Variants in CFAP46 observed in about 807,000 individuals in gnomAD.
The protein encoded by CFAP46 is cilia and flagella associated protein 46, also known as cilia- and flagella-associated protein 46.
A neutral mutation model predicts 325.7 loss-of-function variants in CFAP46; 245 were observed. The observed-to-expected ratio is 0.75, with a 90% CI of 0.68 to 0.84. The LOEUF (loss-of-function observed/expected upper bound fraction) is 0.84, where lower values mean the gene tolerates loss of function less well. Ranked by LOEUF, CFAP46 falls within the 40% of genes least tolerant of loss-of-function variation. The pLI is 0.00. For synonymous variants in CFAP46, 1,523 were observed against 1,495.9 expected (o/e 1.02, Z -0.42); for missense variants, 3,346 against 3,543.0 (o/e 0.94, Z 1.41).
intron 9 of CFAP46, among the ~76,000 whole-genome samples, chr10:132,928,657 C>T (rs981933438): frequency 2.0e-5 from 3 of 152,192 alleles, no homozygotes; most frequent in African/African-American, 7.2e-5. Flanking sequence ...AGCAAGTGCT[C>T]AATGAAGACA....
intron 50 of CFAP46, among the ~76,000 whole-genome samples, chr10:132,824,776 T>C (rs1355838361): frequency 8.5e-6 from 1 of 118,204 alleles, no homozygotes; most frequent in Admixed American, 8.8e-5. Flanking sequence ...GTGCTGTATG[T>C]TGTGTGAGTG....
At position 132,877,000 on chromosome 10, in the gene CFAP46, G is replaced by A. The variant is rs1010904816; in HGVS notation, c.4213-39C>T. ...AATACAGGATTTACCTGAAACGGTG[G>A]AGGTGAAACAGCAGACACCCCCGGC... On this transcript the variant is annotated intron_variant, in intron 30 of 57. Transcript: ENST00000368586. This position sits in a 1 kb window ranked among gnomAD's most constrained non-coding sequence, Gnocchi z 4.1. 1 of 1,538,878 alleles carries A rather than the reference G, an allele frequency of 6.5e-7. No individual in the cohort carries two copies.
At chr10:132,823,092 CTTTGTATGTGCTGA>C in intron 50 of CFAP46, among the ~76,000 whole-genome samples, 1 of 108,238 alleles carries the variant, frequency 9.2e-6, no homozygotes, top group South Asian at 3.3e-4. Context: ...CTGATGTGTG[CTTTGTATGTGCTGA>C]TGTGTGCTGT....
chr10:132,927,318 C>T (rs966709083), intron 9 of CFAP46, among the ~76,000 whole-genome samples: 1 of 150,142 alleles, frequency 6.7e-6, no homozygotes, highest in Non-Finnish European at 1.5e-5. Context: ...AGCAGGTCCT[C>T]GGCGGCAGAC....
intron 50 of CFAP46, among the ~76,000 whole-genome samples, chr10:132,816,355 G>A (rs1486478366): frequency 7.3e-6 from 1 of 136,488 alleles, no homozygotes; most frequent in Non-Finnish European, 1.5e-5. Context: ...TTTTTGAGAC[G>A]GAGTCTCGCT....
rs993482566 is a variant in CFAP46, at chr10:132,939,734, G to A, written c.372-981C>T. Among the ~76,000 whole-genome samples, 7 of 152,056 alleles carry A rather than the reference G, an allele frequency of 4.6e-5. No individual in the cohort carries two copies. The highest frequency in any genetic ancestry group is 3.9e-4 in the East Asian group (2 of 5,180). ...AGAGGGGTCATCATGGGACTCCAGC[G>A]GCCTGCTGCGTCTCCCTGAGTGCTG... On this transcript the variant is annotated intron_variant, in intron 4 of 57. Coordinates refer to ENST00000368586, the MANE Select transcript of CFAP46 (RefSeq NM_001200049.3). The surrounding 1 kb of genome is among the most constrained non-coding windows in gnomAD (Gnocchi z 4.6).
chr10:132,856,027 G>A (rs986488832), intron 39 of CFAP46, among the ~76,000 whole-genome samples: 7 of 152,238 alleles, frequency 4.6e-5, no homozygotes, highest in Non-Finnish European at 7.3e-5. Flanking sequence ...CACTGAGGAC[G>A]CCTTCCTTCA....
chr10:132,850,120 A>T (rs1848511496), intron 41 of CFAP46, 124 bp downstream of exon 41: 2 of 986,392 alleles, frequency 2.0e-6, no homozygotes, highest in Non-Finnish European at 3.0e-6. Context: ...CCTACTTCCT[A>T]CATTTTTCTC....
chr10:132,886,026 C>A lies in CFAP46; in HGVS notation c.3305-67G>T. The A allele has an allele frequency of 6.6e-7, 1 of 1,525,852 alleles. No individual in the cohort carries two copies. Among genetic ancestry groups the A allele is most frequent in the Non-Finnish European group, 8.8e-7 (1 of 1,130,968 alleles). The allele number at this position is 1,525,852 out of a possible 1,614,324, so 94.5% of individuals were successfully genotyped here. ...CCTCATCAAAGGCGCCCTCGGACCT[C>A]CCAGACTAAGCTGCCCATCACAGTG... On this transcript the variant is annotated intron_variant, in intron 25 of 57. Transcript: ENST00000368586. This position sits in a 1 kb window ranked among gnomAD's most constrained non-coding sequence, Gnocchi z 5.8.
intron 24 of CFAP46, among the ~76,000 whole-genome samples, chr10:132,895,344 C>T (rs1849304572): frequency 6.6e-6 from 1 of 152,216 alleles, no homozygotes; most frequent in Non-Finnish European, 1.5e-5. Context: ...AGACCCACAG[C>T]TCACGTCACA....
intron 22 of CFAP46, among the ~76,000 whole-genome samples, chr10:132,904,665 A>C (rs2135503616): frequency 6.6e-6 from 1 of 152,288 alleles, no homozygotes; most frequent in Non-Finnish European, 1.5e-5. Context: ...TTGGGGAAGT[A>C]ATTGTAACTC....
At chr10:132,838,899 T>C (rs760662991) in intron 44 of CFAP46, among the ~76,000 whole-genome samples, 2 of 152,242 alleles carry the variant, frequency 1.3e-5, no homozygotes, top group Non-Finnish European at 2.9e-5. Context: ...GTGTCCTCCT[T>C]TTCCATGGGA....
At chr10:132,844,410 C>T (rs979761595) in intron 44 of CFAP46, among the ~76,000 whole-genome samples, 2 of 152,188 alleles carry the variant, frequency 1.3e-5, no homozygotes, top group African/African-American at 4.8e-5. Flanking sequence ...AGCTAGTTCT[C>T]ATTGCTTCCA....
In CFAP46 at chr10:132,880,960, GAA is replaced by G; in HGVS notation, c.3698_3699del (p.Phe1233SerfsTer27). ...EFGQWLHHRH[F>X]PLEDVVFHLR... ...AGGTGGAAGACCACGTCCTCGAGAGGAAAGTGTCTGTGATGGAGCCACTGGCC... is the reference window on the plus strand; with the variant it reads ...AGGTGGAAGACCACGTCCTCGAGAGGAGTGTCTGTGATGGAGCCACTGGCC... On this transcript the variant is annotated frameshift_variant, in exon 28 of 58. Transcript: ENST00000368586. LOFTEE classifies it high-confidence loss of function. The G allele has an allele frequency of 1.9e-6, 3 of 1,550,552 alleles. No individual in the cohort carries two copies. Among genetic ancestry groups the G allele is most frequent in the Non-Finnish European group, 2.6e-6 (3 of 1,146,986 alleles).
intron 32 of CFAP46, 185 bp downstream of exon 32, chr10:132,872,491 T>TCAAATA: frequency 1.4e-6 from 1 of 712,688 alleles, no homozygotes; most frequent in Non-Finnish European, 2.3e-6. Flanking sequence ...ACTCCTGGGA[T>TCAAATA]CAAATAGTCC....
chr10:132,858,975 C>T (rs539335742), intron 38 of CFAP46, 96 bp downstream of exon 38: 32 of 1,334,402 alleles, frequency 2.4e-5, no homozygotes, highest in East Asian at 1.8e-4. Flanking sequence ...GGGGTGCAGC[C>T]GGGGTGAGCC....
At chr10:132,915,217 C>A (rs1378879759) in intron 17 of CFAP46, among the ~76,000 whole-genome samples, 1 of 152,284 alleles carries the variant, frequency 6.6e-6, no homozygotes, top group Non-Finnish European at 1.5e-5. Flanking sequence ...TTCAGACCCT[C>A]CTCTGTCTGT....
intron 35 of CFAP46, among the ~76,000 whole-genome samples, chr10:132,864,423 CA>C (rs1338275419): frequency 4.2e-5 from 5 of 120,102 alleles, no homozygotes. Context: ...GACATGCACA[CA>C]CCTGTCCCCA....
chr10:132,859,520 C>T (rs147772925), intron 37 of CFAP46, among the ~76,000 whole-genome samples: 9 of 151,540 alleles, frequency 5.9e-5, no homozygotes, highest in African/African-American at 1.5e-4. Flanking sequence ...AGTATCCAGG[C>T]GGAAATTCAA....
Sources: gnomAD v4.1 joint callset for allele counts (sites outside exome capture counted in the v4.1 genomes callset) on GRCh38, gnomAD v4.1.1 for gene constraint, Gnocchi (gnomAD v3.1) non-coding constraint, MANE v1.5 for transcripts, NCBI Gene and HGNC (gene_info 2026-07-23, HGNC 2026-07-21) for gene names.